PRDM15: variants seen among roughly 807,000 people sequenced by gnomAD.
The protein encoded by PRDM15 is PR domain zinc finger protein 15.
Under a neutral mutation model 128.6 loss-of-function variants are expected in PRDM15, and 64 were observed. The ratio of observed to expected loss-of-function variants is 0.50; its 90% confidence interval spans 0.41 to 0.61. The LOEUF (loss-of-function observed/expected upper bound fraction) is 0.61, where lower values mean the gene tolerates loss of function less well. Ranked by LOEUF, PRDM15 falls within the 20% of genes least tolerant of loss-of-function variation. The pLI is 0.00. For synonymous variants in PRDM15, 615 were observed against 621.8 expected, an observed-to-expected ratio of 0.99 and a Z score of 0.16; for missense variants, 1,242 against 1,569.1, an observed-to-expected ratio of 0.79 and a Z score of 3.52.
rs772370977 is a variant in PRDM15 at position 41,825,940 on chromosome 21, AC to A, written c.1629+19del. 1 of 1,576,778 alleles carries A rather than the reference AC, an allele frequency of 6.3e-7. No homozygotes were observed. Among genetic ancestry groups the A allele is most frequent in the South Asian group, 1.1e-5 (1 of 90,356 alleles). The stretch of plus-strand genomic sequence containing the variant: ...GATGTGCTTTCCATCTCAGCGTCCG[AC>A]GTGGACTGCGAGCATTACCTTGCCA... On this transcript the variant is annotated intron_variant, in intron 13 of 23. Coordinates refer to ENST00000398548, the MANE Select transcript of PRDM15 (RefSeq NM_001040424.3).
chr21:41,854,345 T>C lies in PRDM15; in HGVS notation c.538+221A>G, dbSNP rs1217041090. Among the ~76,000 whole-genome samples the C allele has an allele frequency of 6.6e-6, 1 of 152,114 alleles. No individual in the cohort carries two copies. Among genetic ancestry groups the C allele is most frequent in the African/African-American group, 2.4e-5 (1 of 41,418 alleles). The stretch of plus-strand genomic sequence containing the variant: ...TCTCTGTTGTTAAACACTGCCTCAC[T>C]GTGTTAACTTGTGTTACATCCACGT... On this transcript the variant is annotated intron_variant, in intron 5 of 23. Transcript: ENST00000398548. This position sits in a 1 kb window ranked among gnomAD's most constrained non-coding sequence, Gnocchi z 4.6.
rs2063750210 is a variant in PRDM15 at position 41,859,667 on chromosome 21, T to C, written c.56A>G (p.Gln19Arg). 1 of 1,613,838 alleles carries C rather than the reference T, an allele frequency of 6.2e-7. No individual in the cohort carries two copies. ...IMFIWCEDCS[Q>R]YHDSECPELG... ...CTCGGGACATTCGGAGTCGTGGTACTGGCTGCAGTCTTCACACCCTGCAAG... is the reference window on the plus strand; with the variant it reads ...CTCGGGACATTCGGAGTCGTGGTACCGGCTGCAGTCTTCACACCCTGCAAG... The change falls in exon 3 of 24, where the codon CAG becomes CGG. Residue 19 changes from glutamine to arginine, a missense_variant. Transcript: ENST00000398548. The surrounding 1 kb of genome is among the most constrained non-coding windows in gnomAD (Gnocchi z 5.3).
chr21:41,813,505 G>C (rs2061933302), intron 19 of PRDM15: 1 of 152,448 alleles, frequency 6.6e-6, no homozygotes, highest in African/African-American at 2.4e-5. Flanking sequence ...CAGGTGACGT[G>C]GGCTGGATAA....
intron 6 of PRDM15, among the ~76,000 whole-genome samples, chr21:41,842,740 C>T (rs373895961): frequency 1.3e-4 from 19 of 150,494 alleles, no homozygotes; most frequent in African/African-American, 4.2e-4. Flanking sequence ...CTGCCTGCCT[C>T]GGCCTCCCAA....
Position 41,809,216 on chromosome 21 carries a change from G to A in PRDM15, c.2652+938C>T, listed in dbSNP as rs568026555. 2.6e-5 allele frequency among the ~76,000 whole-genome samples: 4 copies of A among 151,310 alleles called. No individual in the cohort carries two copies. In the East Asian group the frequency reaches 7.8e-4, roughly 30 times the overall value. ...GGCTCTATCTGTCTAACACAGCCAT[G>A]GCCTATGCAAATTTTTTCTTTTTTT... On this transcript the variant is annotated intron_variant, in intron 21 of 23. Transcript: ENST00000398548.
At chr21:41,820,269 G>A (rs2062207833) in intron 16 of PRDM15, 95 bp from the exon 17 acceptor site, 1 of 874,498 alleles carries the variant, frequency 1.1e-6, no homozygotes, top group Non-Finnish European at 1.9e-6. Flanking sequence ...CAAAGGTGAG[G>A]CAACAAGGTG....
Position 41,840,371 on chromosome 21 carries a change from G to A in PRDM15, c.641-518C>T, listed in dbSNP as rs923448613. 1.7e-4 allele frequency among the ~76,000 whole-genome samples: 25 copies of A among 151,504 alleles called. No individual in the cohort carries two copies. The South Asian group carries it at 1.9e-3, about 11-fold the overall frequency. On this transcript the variant is annotated intron_variant, in intron 6 of 23. Transcript: ENST00000398548. ...TGAGGCAGAAGAACTGCTTGAACCC[G>A]GGAGGCGGAGCTTGCAGTGAACTGA... is the stretch of plus-strand genomic sequence containing the variant.
chr21:41,810,702 C>G lies in PRDM15; in HGVS notation c.2476+51G>C. ...ACCCCAGCAGGCACTCAGACAGCCC[C>G]GGCAGCCTGCCGCGTGCGCCCCGAA... is the stretch of plus-strand genomic sequence containing the variant. On this transcript the variant is annotated intron_variant, in intron 20 of 23. Coordinates refer to ENST00000398548, the MANE Select transcript of PRDM15 (RefSeq NM_001040424.3). The surrounding 1 kb of genome is among the most constrained non-coding windows in gnomAD (Gnocchi z 6.4). The G allele has an allele frequency of 6.8e-7, 1 of 1,466,240 alleles. No individual in the cohort carries two copies. Among genetic ancestry groups the G allele is most frequent in the Non-Finnish European group, 9.5e-7 (1 of 1,047,338 alleles). The allele number at this position is 1,466,240 out of a possible 1,614,324, so 90.8% of individuals were successfully genotyped here. A position where few individuals can be genotyped will look rare whatever the true frequency, so the allele number is the denominator to read the frequency against.
intron 18 of PRDM15, among the ~76,000 whole-genome samples, 153 bp from the exon 19 acceptor site, chr21:41,815,989 C>A (rs577710378): frequency 6.6e-6 from 1 of 152,314 alleles, no homozygotes; most frequent in African/African-American, 2.4e-5. Flanking sequence ...AGTCCACCAG[C>A]GGTGAGACCT....
At chr21:41,847,581 AAG>A (rs1464328926) in intron 5 of PRDM15, among the ~76,000 whole-genome samples, 1 of 152,110 alleles carries the variant, frequency 6.6e-6, no homozygotes, top group Non-Finnish European at 1.5e-5. Flanking sequence ...CTCATAGAAT[AAG>A]AGACAGTGGA....
At chr21:41,870,392 G>C (rs1178185297) in intron 1 of PRDM15, among the ~76,000 whole-genome samples, 1 of 152,160 alleles carries the variant, frequency 6.6e-6, no homozygotes, top group Non-Finnish European at 1.5e-5. Context: ...GGAGGCTCAG[G>C]GAGTTTTTGT....
Position 41,810,159 on chromosome 21 carries a change from G to T in PRDM15, c.2647C>A (p.Pro883Thr). The change falls in exon 21 of 24, where the codon CCC (proline) becomes ACC (threonine). Residue 883 changes from proline (P) to threonine (T), a missense_variant. Transcript: ENST00000398548. This position sits in a 1 kb window ranked among gnomAD's most constrained non-coding sequence, Gnocchi z 6.4. ...GGGCACAGCCACCAGCTCACCTCGG[G>T]GTGCTTGCGCCGCATGTGTCGGCTC... ...SMSRHMRRKH[P>T]EVLAVRIDDL... 1 of 1,606,494 alleles carries T rather than the reference G, an allele frequency of 6.2e-7. No homozygotes were observed.
chr21:41,851,073 C>T (rs2063414099), intron 5 of PRDM15, among the ~76,000 whole-genome samples: 1 of 152,190 alleles, frequency 6.6e-6, no homozygotes, highest in Non-Finnish European at 1.5e-5. Context: ...CCAATGGCCC[C>T]GGAGGCCACT....
chr21:41,876,542 C>T (rs1169255977), intron 1 of PRDM15, among the ~76,000 whole-genome samples: 2 of 152,218 alleles, frequency 1.3e-5, no homozygotes, highest in Non-Finnish European at 2.9e-5. Context: ...GGAGCCACTC[C>T]CCAACACCCT....
At chr21:41,867,188 A>G in intron 1 of PRDM15, 1 of 744,772 alleles carries the variant, frequency 1.3e-6, no homozygotes, top group East Asian at 2.5e-5. Context: ...CTATTCACAC[A>G]CAGAGTGACC....
Position 41,821,092 on chromosome 21 carries a change from T to A in PRDM15, c.2035A>T (p.Asn679Tyr). Residue 679 changes from asparagine (N) to tyrosine (Y), a missense_variant, in exon 16 of 24, where the codon AAC becomes TAC. Around this residue, in one of 3 missense-constraint regions of PRDM15, gnomAD observed 602 missense variants for 788.3 expected, o/e 0.76. Coordinates refer to ENST00000398548, the MANE Select transcript of PRDM15 (RefSeq NM_001040424.3). This position sits in a 1 kb window ranked among gnomAD's most constrained non-coding sequence, Gnocchi z 5.4. The part of the protein sequence containing the change: ...YHAHMVIHRE[N>Y]LPDPNVQKYI... ...TTCTGCACGTTGGGGTCCGGCAGGT[T>A]TTCACGGTGGATGACCATGTGGGCG... 6.2e-7 allele frequency: 1 copy of A among 1,614,188 alleles called. No homozygotes were observed. The highest frequency in any genetic ancestry group is 1.1e-5 in the South Asian group (1 of 91,082).
In PRDM15 at chr21:41,828,336, G is replaced by A. The variant is rs780858894; in HGVS notation, c.1367-3C>T. 2 of 1,613,754 alleles carry A rather than the reference G, an allele frequency of 1.2e-6. No individual in the cohort carries two copies. Among genetic ancestry groups the A allele is most frequent in the South Asian group, 1.1e-5 (1 of 91,084 alleles). ...CTCACATTGGAACGTCTTGTCATCT[G>A]TCCAGAGAGCAAACAAACACACAAC... On this transcript the variant is annotated splice_polypyrimidine_tract_variant and splice_region_variant and intron_variant, in intron 11 of 23. Transcript: ENST00000398548. This position sits in a 1 kb window ranked among gnomAD's most constrained non-coding sequence, Gnocchi z 5.7.
chr21:41,813,744 TTG>T (rs769743853), intron 19 of PRDM15: 2 of 152,518 alleles, frequency 1.3e-5, no homozygotes, highest in African/African-American at 2.4e-5. Flanking sequence ...TAACAATGCT[TTG>T]TGTTAGTGAT....
intron 22 of PRDM15, among the ~76,000 whole-genome samples, chr21:41,803,907 C>A (rs1320561101): frequency 1.3e-5 from 2 of 150,844 alleles, no homozygotes; most frequent in East Asian, 1.9e-4. Flanking sequence ...AAACTAAGTT[C>A]ATCTAATTGG....
Sources: allele counts gnomAD v4.1 joint callset (sites outside exome capture counted in the v4.1 genomes callset), GRCh38; gene constraint gnomAD v4.1.1; regional missense constraint gnomAD v4.1.1; non-coding constraint Gnocchi (gnomAD v3.1); transcripts MANE v1.5; gene names NCBI Gene and HGNC (gene_info 2026-07-23, HGNC 2026-07-21).